The following PPP1R37 variants were observed in gnomAD, a reference collection of about 807,000 sequenced individuals.
PPP1R37 encodes protein phosphatase 1 regulatory subunit 37, also known as leucine rich repeat containing 68.
In PPP1R37, 21 loss-of-function variants were observed where a neutral mutation model predicts 61.0. The observed-to-expected ratio is 0.34, with a 90% confidence interval of 0.24 to 0.50. The LOEUF (loss-of-function observed/expected upper bound fraction) is 0.50, where lower values mean the gene tolerates loss of function less well. Ranked by LOEUF, PPP1R37 falls within the 20% of genes least tolerant of loss-of-function variation. The pLI, the probability that PPP1R37 is intolerant of heterozygous loss-of-function variation, is 0.98. For synonymous variants in PPP1R37, 443 were observed against 433.5 expected (o/e 1.02, Z -0.27); for missense variants, 910 against 952.7 (o/e 0.96, Z 0.59).
At chr19:45,128,934 GA>G (rs1465879872) in intron 1 of PPP1R37, 1 of 740,586 alleles carries the variant, frequency 1.4e-6, no homozygotes, top group Admixed American at 1.8e-5. Context: ...TTGGCAAGGA[GA>G]TGAGCAAAAG....
intron 1 of PPP1R37, among the ~76,000 whole-genome samples, chr19:45,094,065 A>G (rs1568437276): frequency 6.6e-6 from 1 of 152,254 alleles, no homozygotes; most frequent in Non-Finnish European, 1.5e-5. Context: ...CTTGGTAAAA[A>G]GGAGTCAAGA....
Position 45,144,974 on chromosome 19 carries a change from T to A in PPP1R37, c.1108T>A (p.Ser370Thr), listed in dbSNP as rs1443697879. 16 of 1,534,786 alleles carry A rather than the reference T, an allele frequency of 1.0e-5. No homozygotes were observed. Among genetic ancestry groups the A allele is most frequent in the African/African-American group, 1.4e-5 (1 of 72,934 alleles). Residue 370 changes from serine (S) to threonine (T), a missense_variant, in exon 9 of 13, where the codon TCC becomes ACC. Physicochemically the swap from Ser to Thr is moderately conservative, Grantham distance 58. Around this residue, in one of 3 missense-constraint regions of PPP1R37, gnomAD observed 549 missense variants for 505.1 expected, o/e 1.09. Coordinates refer to ENST00000221462, the MANE Select transcript of PPP1R37 (RefSeq NM_019121.2). ...CAGCGTGCTGCGCCTCGGGCTGGCC[T>A]CCACCAAGCTCACGTGCGAGGGTAG... ...NRSVLRLGLA[S>T]TKLTCEGAVA...
chr19:45,099,213 T>C (rs1968031862), intron 1 of PPP1R37, among the ~76,000 whole-genome samples: 1 of 152,176 alleles, frequency 6.6e-6, no homozygotes, highest in African/African-American at 2.4e-5. Flanking sequence ...CGTCCCTGCT[T>C]TCCCTCAGAG....
At chr19:45,143,262 G>A (rs1968637541) in intron 7 of PPP1R37, 2 of 404,520 alleles carry the variant, frequency 4.9e-6, no homozygotes, top group East Asian at 4.8e-5. Context: ...AGCTGGCTGT[G>A]AGGTGAGGTG....
rs144364636 is a variant in PPP1R37, at chr19:45,129,260, C to T, written c.203-9254C>T. Among the ~76,000 whole-genome samples, 390 of 152,294 alleles carry T rather than the reference C, an allele frequency of 2.6e-3. 3 individuals carry two copies. Among genetic ancestry groups the T allele is most frequent in the Non-Finnish European group, 4.7e-3 (321 of 68,024 alleles). On this transcript the variant is annotated intron_variant, in intron 1 of 12. Transcript: ENST00000221462. ...TGAAGCTGCCATCCTTTTCCCTGCT[C>T]GCACTACAGCCCTGGTTGGGGGGAG...
At chr19:45,128,677 C>T in intron 1 of PPP1R37, 1 of 1,191,298 alleles carries the variant, frequency 8.4e-7, no homozygotes, top group South Asian at 1.3e-5. Flanking sequence ...AAAGGCTGGC[C>T]CTGTAAGGTC....
At chr19:45,131,467 C>G (rs1004026582) in intron 1 of PPP1R37, among the ~76,000 whole-genome samples, 1 of 152,210 alleles carries the variant, frequency 6.6e-6, no homozygotes, top group African/African-American at 2.4e-5. Context: ...TCCAGTCCTG[C>G]CACTTCCAGG....
chr19:45,109,164 C>T (rs1201020565), intron 1 of PPP1R37, among the ~76,000 whole-genome samples: 1 of 152,206 alleles, frequency 6.6e-6, no homozygotes, highest in Admixed American at 6.5e-5. Context: ...ATAAGGACTC[C>T]TCTATTGAAG....
Position 45,093,289 on chromosome 19 carries a change from A to G in PPP1R37, c.-37A>G. On this transcript the variant is annotated 5_prime_UTR_variant, in exon 1 of 13. An upstream start codon of the reference 5' UTR is lost. Transcript: ENST00000221462. ...GAGAGACAAATCCGGGGCCCGGGGC[A>G]TGTCCCCGGGGCCCCCGTGAGGAGG... 7.4e-7 allele frequency: 1 copy of G among 1,356,988 alleles called. No individual in the cohort carries two copies. The highest frequency in any genetic ancestry group is 1.5e-5 in the African/African-American group (1 of 64,782). The allele number at this position is 1,356,988 out of a possible 1,614,324, so 84.1% of individuals were successfully genotyped here.
At chr19:45,141,578 C>G in intron 5 of PPP1R37, 137 bp downstream of exon 5, 1 of 1,190,512 alleles carries the variant, frequency 8.4e-7, no homozygotes, top group Non-Finnish European at 1.1e-6. Context: ...GGGCCTGGCC[C>G]TCAGGCCAGG....
chr19:45,123,342 G>A (rs576405060), intron 1 of PPP1R37, among the ~76,000 whole-genome samples: 1 of 152,300 alleles, frequency 6.6e-6, no homozygotes, highest in South Asian at 2.1e-4. Flanking sequence ...CTTCCTGCAG[G>A]CACCAGGAAG....
intron 1 of PPP1R37, among the ~76,000 whole-genome samples, chr19:45,131,940 GGAA>G (rs1968483145): frequency 6.6e-6 from 1 of 152,182 alleles, no homozygotes; most frequent in Admixed American, 6.5e-5. Context: ...TTTCAGGGAG[GGAA>G]AGAGGTTGCT....
intron 8 of PPP1R37, 98 bp from the exon 9 acceptor site, chr19:45,144,756 C>A: frequency 1.9e-6 from 2 of 1,068,626 alleles, no homozygotes; most frequent in South Asian, 1.6e-5. Context: ...AAGGAGCGCC[C>A]GGGCCTGGCT....
chr19:45,132,871 A>C (rs1568447939), intron 1 of PPP1R37, among the ~76,000 whole-genome samples: 3 of 151,588 alleles, frequency 2.0e-5, no homozygotes, highest in Non-Finnish European at 4.4e-5. Flanking sequence ...CCCTGGACCA[A>C]GTGAGCATGT....
chr19:45,142,281 C>T (rs938756488), intron 6 of PPP1R37, 22 bp from the exon 7 acceptor site: 21 of 1,535,046 alleles, frequency 1.4e-5, no homozygotes, highest in African/African-American at 4.1e-5. Flanking sequence ...GCCCAGTCAC[C>T]GTGCCCCCTC....
chr19:45,117,026 T>C lies in PPP1R37; in HGVS notation c.203-21488T>C, dbSNP rs1195573914. Among the ~76,000 whole-genome samples, 3 of 151,790 alleles carry C rather than the reference T, an allele frequency of 2.0e-5. No homozygotes were observed. In the East Asian group the frequency reaches 5.8e-4, roughly 29 times the overall value. ...TCTCCCAGCTCAAGCGATTCTCCTG[T>C]CTCAGCCTCCCAAGTATCTGGGACT... On this transcript the variant is annotated intron_variant, in intron 1 of 12. Coordinates refer to ENST00000221462, the MANE Select transcript of PPP1R37 (RefSeq NM_019121.2).
intron 1 of PPP1R37, among the ~76,000 whole-genome samples, chr19:45,135,463 A>G (rs79147768): frequency 0.11 from 17,210 of 152,262 alleles, 1,112 homozygotes; most frequent in Non-Finnish European, 0.14. Context: ...CTTTCTCCAC[A>G]AACGATTTAG....
rs1968698656 is a variant in PPP1R37, at chr19:45,146,257, T to C, written c.1994-133T>C. ...GGGTGGGGGGGCATGTAAGGTGTGC[T>C]GCCTTGAGCCTGACCATCTCAGCGG... On this transcript the variant is annotated intron_variant, in intron 11 of 12. Coordinates refer to ENST00000221462, the MANE Select transcript of PPP1R37 (RefSeq NM_019121.2). 3 of 884,696 alleles carry C rather than the reference T, an allele frequency of 3.4e-6. No individual in the cohort carries two copies. In the East Asian group the frequency reaches 8.1e-5, roughly 24 times the overall value. The allele number at this position is 884,696 out of a possible 1,614,324, so 54.8% of individuals were successfully genotyped here. A position where few individuals can be genotyped will look rare whatever the true frequency, so the allele number is the denominator to read the frequency against.
chr19:45,114,833 A>G (rs1244805660), intron 1 of PPP1R37, among the ~76,000 whole-genome samples: 1 of 151,478 alleles, frequency 6.6e-6, no homozygotes, highest in Admixed American at 6.6e-5. Context: ...TTCACATCAC[A>G]AGGCAGAAAG....
Sources: gnomAD v4.1 joint callset for allele counts (sites outside exome capture counted in the v4.1 genomes callset) on GRCh38, gnomAD v4.1.1 for gene constraint, gnomAD v4.1.1 regional missense constraint, MANE v1.5 for transcripts, NCBI Gene and HGNC (gene_info 2026-07-23, HGNC 2026-07-21) for gene names.